RGPD4: variants seen among roughly 807,000 people sequenced by gnomAD.
RGPD4 encodes the protein ranBP2-like and GRIP domain-containing protein 4.
Under a neutral mutation model 141.1 loss-of-function variants are expected in RGPD4, and 84 were observed. That is an observed-to-expected ratio of 0.60 (90% CI 0.50 to 0.71). The LOEUF is 0.71. RGPD4 is among the 30% of genes least tolerant of loss of function. The probability of loss-of-function intolerance (pLI) is 0.00; values close to 1 mark genes in which losing one functional copy is unlikely to be tolerated. For missense variants in RGPD4, 918 were observed against 1,622.4 expected (o/e 0.57, Z 7.46); for synonymous variants, 298 against 566.8 (o/e 0.53, Z 6.74).
In RGPD4 at chr2:107,880,087, G is replaced by A. The variant is rs1675311213; in HGVS notation, c.5044G>A (p.Val1682Ile). The A allele has an allele frequency of 1.2e-6, 2 of 1,611,326 alleles. No homozygotes were observed. The highest frequency in any genetic ancestry group is 1.1e-5 in the South Asian group (1 of 90,974). ...TCGGGAAGCAGAGGCAACCAGTGCA[G>A]TCCTTATGGAGCAAATTAAGGTGAG... ...LLREAEATSAVLMEQIKLLKS... is the reference protein window; with the variant it reads ...LLREAEATSAILMEQIKLLKS... The change falls in exon 21 of 23, where the codon GTC becomes ATC. Residue 1682 changes from valine (V) to isoleucine (I), a missense_variant. Transcript: ENST00000408999.
chr2:107,865,889 G>A (rs1033847973), intron 17 of RGPD4, among the ~76,000 whole-genome samples: 10 of 143,426 alleles, frequency 7.0e-5, no homozygotes, highest in African/African-American at 2.4e-4. Context: ...GGCAAACATG[G>A]TGAAACCGCA....
In RGPD4 at chr2:107,827,030, C is replaced by A. The variant is rs1426720475; in HGVS notation, c.17C>A (p.Ala6Asp). MSCSK[A>D]YGERYVASVQ... ...GGTGGCGCGATGAGTTGCAGCAAGG[C>A]CTACGGGGAGCGGTACGTCGCCTCC... Residue 6 changes from alanine (A) to aspartate (D), a missense_variant, in exon 1 of 23, where the codon GCC becomes GAC. By Grantham distance (126) the Ala-to-Asp change is moderately radical. Coordinates refer to ENST00000408999, the MANE Select transcript of RGPD4 (RefSeq NM_182588.3). The A allele has an allele frequency of 6.3e-7, 1 of 1,599,726 alleles. No homozygotes were observed. The highest frequency in any genetic ancestry group is 2.3e-5 in the East Asian group (1 of 44,430).
chr2:107,833,198 T>C (rs1681554932), intron 1 of RGPD4, among the ~76,000 whole-genome samples: 1 of 150,742 alleles, frequency 6.6e-6, no homozygotes, highest in Non-Finnish European at 1.5e-5. Context: ...TTCATTTGAC[T>C]GTGCAAGATG....
intron 6 of RGPD4, among the ~76,000 whole-genome samples, chr2:107,847,922 T>G (rs1682011804): frequency 1.5e-5 from 2 of 130,388 alleles, no homozygotes; most frequent in East Asian, 2.1e-4. Flanking sequence ...TACCTGTCAA[T>G]TATTTACTTA....
rs551595367 is a variant in RGPD4 at position 107,884,233 on chromosome 2, C to T, written c.5266+1360C>T. ...TCAAGCGATTCTCCTGCCTCGGCCT[C>T]CCAAGTAGCTGGGACTACAGATGCA... On this transcript the variant is annotated intron_variant, in intron 22 of 22. Transcript: ENST00000408999. Among the ~76,000 whole-genome samples, 10 of 152,184 alleles carry T rather than the reference C, an allele frequency of 6.6e-5. No individual in the cohort carries two copies. In the East Asian group the frequency reaches 1.9e-3, roughly 29 times the overall value.
At chr2:107,854,533 A>T in intron 7 of RGPD4, 23 bp from the exon 8 acceptor site, 3 of 1,279,942 alleles carry the variant, frequency 2.3e-6, no homozygotes, top group South Asian at 1.5e-5. Flanking sequence ...TCAAATTAAG[A>T]TTTTTGATTC....
intron 6 of RGPD4, among the ~76,000 whole-genome samples, chr2:107,847,880 TA>T: frequency 9.0e-6 from 1 of 111,726 alleles, no homozygotes; most frequent in Non-Finnish European, 1.8e-5. Context: ...ATCTATATAG[TA>T]AAAAGAGCAA....
intron 8 of RGPD4, among the ~76,000 whole-genome samples, chr2:107,855,801 C>T (rs1315581749): frequency 1.1e-5 from 1 of 91,338 alleles, no homozygotes; most frequent in Non-Finnish European, 2.1e-5. Flanking sequence ...AGTTACTCCC[C>T]ATTTTACCCA....
intron 21 of RGPD4, among the ~76,000 whole-genome samples, chr2:107,881,995 C>T (rs1461827339): frequency 1.3e-5 from 2 of 151,916 alleles, no homozygotes; most frequent in African/African-American, 2.4e-5. Flanking sequence ...CCCCTCAGCC[C>T]ATTTTCAGAG....
At chr2:107,877,585 G>T (rs1345987260) in intron 20 of RGPD4, among the ~76,000 whole-genome samples, 1 of 151,310 alleles carries the variant, frequency 6.6e-6, no homozygotes, top group Non-Finnish European at 1.5e-5. Flanking sequence ...GTTTCAAGAA[G>T]TATGCAGCAA....
rs1682933376 is a variant in RGPD4 at position 107,871,820 on chromosome 2, A to C, written c.3816A>C (p.Pro1272=). Residue 1272 remains proline (P), a synonymous_variant, in exon 20 of 23, where the codon CCA becomes CCC. Coordinates refer to ENST00000408999, the MANE Select transcript of RGPD4 (RefSeq NM_182588.3). ...GTAGTAGCTCAGTACATGCTTCTCC[A>C]TTGGCAAGTAGCCCTGTGAGAAAAA... is the stretch of plus-strand genomic sequence containing the variant. ...SVSSSSVHAS[P]LASSPVRKNL... 2 of 1,611,470 alleles carry C rather than the reference A, an allele frequency of 1.2e-6. No homozygotes were observed. The highest frequency in any genetic ancestry group is 3.3e-5 in the Admixed American group (2 of 59,974).
rs989211512 is a variant in RGPD4, at chr2:107,890,808, T to C, written c.*77T>C. Reference sequence around the variant, plus strand: ...CTTCGATAGGTTGATGGAAGGAATATTTTTATTAACCAAATAAAATCTATT... The same window carrying C: ...CTTCGATAGGTTGATGGAAGGAATACTTTTATTAACCAAATAAAATCTATT... On this transcript the variant is annotated 3_prime_UTR_variant, in exon 23 of 23. Transcript: ENST00000408999. 5 of 1,584,842 alleles carry C rather than the reference T, an allele frequency of 3.2e-6. No individual in the cohort carries two copies. Among genetic ancestry groups the C allele is most frequent in the Admixed American group, 3.6e-5 (2 of 55,240 alleles).
chr2:107,862,996 A>T lies in RGPD4; in HGVS notation c.2433A>T (p.Leu811Phe). ...GATGGGCAGAAGATCAGAATTCTTTACTGAAAATGATTCGCCAAGAAGTAA... is the reference window on the plus strand; with the variant it reads ...GATGGGCAGAAGATCAGAATTCTTTTCTGAAAATGATTCGCCAAGAAGTAA... Reference protein sequence around the residue: ...PPRWAEDQNSLLKMIRQEVKA... With the variant: ...PPRWAEDQNSFLKMIRQEVKA... Residue 811 changes from leucine to phenylalanine, a missense_variant, in exon 17 of 23, where the codon TTA (leucine) becomes TTT (phenylalanine). Leu to Phe is a conservative substitution (Grantham distance 22, BLOSUM62 0). Transcript: ENST00000408999. 6.4e-7 allele frequency: 1 copy of T among 1,562,466 alleles called. No homozygotes were observed. The highest frequency in any genetic ancestry group is 8.7e-7 in the Non-Finnish European group (1 of 1,156,022).
intron 7 of RGPD4, among the ~76,000 whole-genome samples, chr2:107,851,913 G>A (rs1332199275): frequency 2.0e-5 from 3 of 150,024 alleles, no homozygotes; most frequent in Non-Finnish European, 4.4e-5. Flanking sequence ...TTGCAGCTAG[G>A]TAGTTGACAA....
intron 1 of RGPD4, among the ~76,000 whole-genome samples, chr2:107,828,540 T>C (rs879075788): frequency 1.5e-3 from 56 of 36,960 alleles, no homozygotes; most frequent in Non-Finnish European, 2.4e-3. Flanking sequence ...TCAGGCGTCA[T>C]GGCTCCCGAC....
At chr2:107,880,140 T>C (rs747666619) in intron 21 of RGPD4, 33 bp downstream of exon 21, 3 of 1,611,432 alleles carry the variant, frequency 1.9e-6, no homozygotes, top group Admixed American at 1.7e-5. Flanking sequence ...CCATGAAAAC[T>C]GCCAATTTGG....
chr2:107,859,891 T>G, intron 12 of RGPD4, 46 bp downstream of exon 12: 2 of 1,546,814 alleles, frequency 1.3e-6, no homozygotes, highest in Non-Finnish European at 8.7e-7. Context: ...TACCTTAATT[T>G]TTTAAAATCA....
At chr2:107,829,554 C>G (rs1006632229) in intron 1 of RGPD4, among the ~76,000 whole-genome samples, 1 of 147,840 alleles carries the variant, frequency 6.8e-6, no homozygotes, top group African/African-American at 2.6e-5. Flanking sequence ...CCTGGCCCGG[C>G]GGCGGCCTCG....
intron 22 of RGPD4, among the ~76,000 whole-genome samples, chr2:107,887,406 A>C (rs1211009787): frequency 1.3e-5 from 2 of 152,320 alleles, no homozygotes; most frequent in Non-Finnish European, 2.9e-5. Context: ...CTGTATCATC[A>C]GCTCTAGATA....
Sources: gnomAD v4.1 joint callset for allele counts (sites outside exome capture counted in the v4.1 genomes callset) on GRCh38, gnomAD v4.1.1 for gene constraint, MANE v1.5 for transcripts, NCBI Gene and HGNC (gene_info 2026-07-23, HGNC 2026-07-21) for gene names.